CHRNA1: variants seen among roughly 807,000 people sequenced by gnomAD.
CHRNA1 encodes the protein cholinergic receptor nicotinic alpha 1 subunit.
CHRNA1 carries 35 observed loss-of-function variants against 47.1 expected under a neutral mutation model. The observed-to-expected ratio is 0.74, with a 90% CI of 0.57 to 0.99. CHRNA1 has a LOEUF of 0.99. CHRNA1 is among the 50% of genes least tolerant of loss of function. The probability of loss-of-function intolerance (pLI) is 0.00; values close to 1 mark genes in which losing one functional copy is unlikely to be tolerated. For missense variants in CHRNA1, 506 were observed against 591.1 expected, an observed-to-expected ratio of 0.86 and a Z score of 1.49; for synonymous variants, 229 against 223.6, an observed-to-expected ratio of 1.02 and a Z score of -0.22.
chr2:174,758,732 T>G (rs1263384024), intron 3 of CHRNA1, among the ~76,000 whole-genome samples: 14 of 152,196 alleles, frequency 9.2e-5, no homozygotes, highest in African/African-American at 2.7e-4. Flanking sequence ...AAATTCATGC[T>G]GAAGCGCTAA....
chr2:174,748,336 G>A, intron 8 of CHRNA1, 81 bp from the exon 9 acceptor site: 1 of 1,577,354 alleles, frequency 6.3e-7, no homozygotes, highest in Non-Finnish European at 8.7e-7. Context: ...CATCAACTAT[G>A]GGCCCTTCAA....
Position 174,747,724 on chromosome 2 carries a change from A to C in CHRNA1, c.*400T>G, listed in dbSNP as rs1683759037. ...GTACAAAACTGACTCTTAAGCAAAG[A>C]ATACACTTCATTTAGAACATCAGCA... On this transcript the variant is annotated 3_prime_UTR_variant, in exon 9 of 9. Transcript: ENST00000348749. 3.6e-6 allele frequency: 1 copy of C among 277,888 alleles called. No homozygotes were observed. The highest frequency in any genetic ancestry group is 7.0e-6 in the Non-Finnish European group (1 of 142,106). 17.2% of individuals were successfully genotyped at this position (277,888 alleles called of 1,614,324 possible).
At position 174,748,820 on chromosome 2, in the gene CHRNA1, C is replaced by T. The variant is rs2105344453; in HGVS notation, c.1003-1G>A. On this transcript the variant is annotated splice_acceptor_variant, in intron 7 of 8. Transcript: ENST00000348749. LOFTEE classifies it high-confidence loss of function. ...TATTTGGGATAGTGTCGATAAAAAC[C>T]TAACATAAAAAAGAAATCCATGCAT... The T allele has an allele frequency of 1.9e-6, 3 of 1,613,808 alleles. No homozygotes were observed. The highest frequency in any genetic ancestry group is 1.3e-5 in the African/African-American group (1 of 74,930).
At chr2:174,757,478 A>ATTTAACATT (rs1684002189) in intron 4 of CHRNA1, 88 bp downstream of exon 4, 5 of 919,452 alleles carry the variant, frequency 5.4e-6, no homozygotes, top group Non-Finnish European at 8.9e-6. Context: ...CAGTGGTGAG[A>ATTTAACATT]AGCATTCCGA....
At chr2:174,761,389 T>C (rs998114079) in intron 1 of CHRNA1, among the ~76,000 whole-genome samples, 31 of 152,216 alleles carry the variant, frequency 2.0e-4, no homozygotes, top group African/African-American at 7.0e-4. Flanking sequence ...CAAGCAATCC[T>C]CCCACCTTAG....
intron 5 of CHRNA1, 136 bp from the exon 6 acceptor site, chr2:174,753,876 T>C: frequency 1.2e-6 from 1 of 847,508 alleles, no homozygotes; most frequent in Non-Finnish European, 1.9e-6. Flanking sequence ...GGGACACTAC[T>C]GCTTTGGGGT....
At chr2:174,762,584 C>T (rs1200338347) in intron 1 of CHRNA1, among the ~76,000 whole-genome samples, 3 of 152,060 alleles carry the variant, frequency 2.0e-5, no homozygotes, top group Non-Finnish European at 2.9e-5. Context: ...TTGTCATTTA[C>T]GTAAATAACT....
At chr2:174,760,232 T>C (rs1684077661) in intron 1 of CHRNA1, among the ~76,000 whole-genome samples, 1 of 152,130 alleles carries the variant, frequency 6.6e-6, no homozygotes, top group Non-Finnish European at 1.5e-5. Context: ...ATTCCACTCC[T>C]AGGTCCACAC....
Position 174,748,797 on chromosome 2 carries a change from T to C in CHRNA1, c.1025A>G (p.Asn342Ser), listed in dbSNP as rs1683788776. The C allele has an allele frequency of 1.2e-6, 2 of 1,614,066 alleles. No homozygotes were observed. The highest frequency in any genetic ancestry group is 1.7e-5 in the Admixed American group (1 of 60,004). ...VRKVFIDTIP[N>S]IMFFSTMKRP... ...TTTCATTGTGGAGAAAAACATGATA[T>C]TTGGGATAGTGTCGATAAAAACCTA... is the stretch of plus-strand genomic sequence containing the variant. The change falls in exon 8 of 9, where the codon AAT becomes AGT. Residue 342 changes from asparagine to serine, a missense_variant. Coordinates refer to ENST00000348749, the MANE Select transcript of CHRNA1 (RefSeq NM_000079.4).
chr2:174,764,361 G>T lies in CHRNA1; in HGVS notation c.34C>A (p.Leu12Ile), dbSNP rs1304554929. 2 of 1,613,408 alleles carry T rather than the reference G, an allele frequency of 1.2e-6. No homozygotes were observed. The change falls in exon 1 of 9, where the codon CTT becomes ATT. Residue 12 changes from leucine (L) to isoleucine (I), a missense_variant. Transcript: ENST00000348749. ...TGACCCCAGCACTTACCTGAGCAAA[G>T]GCTAAAGAGCAGGAGGAGAGGCCAG... ...EPWPLLLLFS[L>I]CSAGLVLGSE...
chr2:174,753,489 G>A lies in CHRNA1; in HGVS notation c.778+14C>T, dbSNP rs1416173936. The A allele has an allele frequency of 6.2e-7, 1 of 1,609,770 alleles. No homozygotes were observed. Among genetic ancestry groups the A allele is most frequent in the Non-Finnish European group, 8.5e-7 (1 of 1,176,104 alleles). Reference sequence around the variant, plus strand: ...ATCAGCGTCAGCAGCAGCAGTCATGGCAACCACACCCACCTGAGTCTGTGG... The same window carrying A: ...ATCAGCGTCAGCAGCAGCAGTCATGACAACCACACCCACCTGAGTCTGTGG... On this transcript the variant is annotated intron_variant, in intron 6 of 8. Transcript: ENST00000348749.
chr2:174,763,322 A>ACG (rs373452341), intron 1 of CHRNA1, among the ~76,000 whole-genome samples: 3 of 47,240 alleles, frequency 6.4e-5, no homozygotes, highest in African/African-American at 1.0e-4. Flanking sequence ...ATGTGTGTGC[A>ACG]CGCGCGCGCA....
rs1431013506 is a variant in CHRNA1, at chr2:174,758,527, CT to C, written c.234+803del. On this transcript the variant is annotated intron_variant, in intron 3 of 8. Coordinates refer to ENST00000348749, the MANE Select transcript of CHRNA1 (RefSeq NM_000079.4). ...CAACATGACACTCAGGAAATGTTCA[CT>C]GGAGAATTTTGAATTTCAGATTTTC... 2.6e-5 allele frequency among the ~76,000 whole-genome samples: 4 copies of C among 152,200 alleles called. No homozygotes were observed. In the South Asian group the frequency reaches 8.3e-4, roughly 31 times the overall value.
intron 6 of CHRNA1, 149 bp downstream of exon 6, chr2:174,753,354 G>A (rs373695811): frequency 9.5e-6 from 8 of 841,996 alleles, no homozygotes; most frequent in South Asian, 5.3e-5. Context: ...TCACCACTGC[G>A]CACGCCCACT....
rs1395886922 is a variant in CHRNA1, at chr2:174,748,230, G to A, written c.1268C>T (p.Ala423Val). Residue 423 changes from alanine to valine, a missense_variant, in exon 9 of 9, where the codon GCA becomes GTA. Ala to Val is a moderately conservative substitution (Grantham distance 64). Transcript: ENST00000348749. ...GAGGAGTATGTGGTCCATCACCATT[G>A]CAACGTACTTCCACTCTGCCGCCGC... ...NNAAAEWKYVAMVMDHILLGV... is the reference protein window; with the variant it reads ...NNAAAEWKYVVMVMDHILLGV... The A allele has an allele frequency of 6.2e-7, 1 of 1,614,132 alleles. No individual in the cohort carries two copies. Among genetic ancestry groups the A allele is most frequent in the Non-Finnish European group, 8.5e-7 (1 of 1,180,028 alleles).
intron 4 of CHRNA1, among the ~76,000 whole-genome samples, chr2:174,755,620 A>G (rs991174849): frequency 6.6e-5 from 10 of 151,906 alleles, no homozygotes; most frequent in South Asian, 4.2e-4. Context: ...GGGTTTCACC[A>G]TGTTAGCCAG....
chr2:174,763,951 C>T (rs1684142880), intron 1 of CHRNA1, among the ~76,000 whole-genome samples: 1 of 151,962 alleles, frequency 6.6e-6, no homozygotes, highest in Non-Finnish European at 1.5e-5. Flanking sequence ...TTGTTAACTC[C>T]ATTGTATGTG....
At position 174,759,625 on chromosome 2, in the gene CHRNA1, C is replaced by G. The variant is rs202221890; in HGVS notation, c.52G>C (p.Val18Leu). The G allele has an allele frequency of 3.2e-5, 51 of 1,613,412 alleles. No homozygotes were observed. In the Middle Eastern group the frequency reaches 1.0e-3, roughly 33 times the overall value. ...CGGGTCTCATGTTCGGAGCCCAGGA[C>G]GAGGCCAGCTGAGACAGCAGATGAC... Reference protein sequence around the residue: ...LLFSLCSAGLVLGSEHETRLV... With the variant: ...LLFSLCSAGLLLGSEHETRLV... The change falls in exon 2 of 9, where the codon GTC becomes CTC. Residue 18 changes from valine (V) to leucine (L), a missense_variant. Coordinates refer to ENST00000348749, the MANE Select transcript of CHRNA1 (RefSeq NM_000079.4).
chr2:174,748,963 T>C (rs1168867758), intron 7 of CHRNA1, 144 bp from the exon 8 acceptor site: 1 of 1,088,788 alleles, frequency 9.2e-7, no homozygotes, highest in East Asian at 2.6e-5. Flanking sequence ...ACAAAAGAAC[T>C]ATACTAGATT....
Sources: gnomAD v4.1 joint callset for allele counts (sites outside exome capture counted in the v4.1 genomes callset) on GRCh38, gnomAD v4.1.1 for gene constraint, MANE v1.5 for transcripts, NCBI Gene and HGNC (gene_info 2026-07-23, HGNC 2026-07-21) for gene names.